The following MTCL2 variants were observed in gnomAD, a reference collection of about 807,000 sequenced individuals.
MTCL2 encodes microtubule crosslinking factor 2.
the MTCL2 span, among the ~76,000 whole-genome samples, chr20:36,822,725 G>A: frequency 1.4e-3 from 206 of 152,052 alleles, no homozygotes; most frequent in African/African-American, 4.9e-3. Context: ...TGAAAGCACA[G>A]ACTGTGCTTC....
At chr20:36,780,142 G>C in the MTCL2 span, 1 of 152,162 alleles carries the variant, frequency 6.6e-6, no homozygotes, top group Admixed American at 6.6e-5. Context: ...GTGACCTTGG[G>C]TGAGCCACTG....
the MTCL2 span, among the ~76,000 whole-genome samples, chr20:36,858,625 C>T: frequency 6.6e-6 from 1 of 152,120 alleles, no homozygotes; most frequent in Non-Finnish European, 1.5e-5. Context: ...TCTCCCAGTT[C>T]CTCCAAGAAT....
the MTCL2 span, among the ~76,000 whole-genome samples, chr20:36,843,878 C>T: frequency 6.6e-6 from 1 of 152,210 alleles, no homozygotes; most frequent in Non-Finnish European, 1.5e-5. Flanking sequence ...AGATCACACC[C>T]AGAGCACTAG....
chr20:36,810,717 C>CCTCTCTCTCTCCCTCTCTCTCT, the MTCL2 span, among the ~76,000 whole-genome samples: 2 of 94,270 alleles, frequency 2.1e-5, no homozygotes, highest in African/African-American at 8.1e-5. Flanking sequence ...TCTCTCTCTC[C>CCTCTCTCTCTCCCTCTCTCTCT]CTCTCTCTCT....
the MTCL2 span, among the ~76,000 whole-genome samples, chr20:36,841,486 C>T: frequency 6.6e-6 from 1 of 151,862 alleles, no homozygotes; most frequent in African/African-American, 2.4e-5. Flanking sequence ...TGAGCTGAGA[C>T]AAGAAGGAAC....
chr20:36,784,090 C>T, the MTCL2 span: 2 of 985,470 alleles, frequency 2.0e-6, no homozygotes, highest in African/African-American at 3.5e-5. Flanking sequence ...GGGCTCAGGT[C>T]CCACGGGGAT....
At chr20:36,825,546 G>A in the MTCL2 span, among the ~76,000 whole-genome samples, 2 of 152,202 alleles carry the variant, frequency 1.3e-5, no homozygotes, top group Non-Finnish European at 2.9e-5. Context: ...CAGTGCCACC[G>A]CAGCCCTCGG....
chr20:36,787,279 GT>G, the MTCL2 span, among the ~76,000 whole-genome samples: 1 of 151,938 alleles, frequency 6.6e-6, no homozygotes, highest in Non-Finnish European at 1.5e-5. Flanking sequence ...CCAGGCTGGA[GT>G]GCAGTGGTAC....
At chr20:36,856,179 A>C in the MTCL2 span, among the ~76,000 whole-genome samples, 1 of 152,106 alleles carries the variant, frequency 6.6e-6, no homozygotes. Context: ...CTTTCACTTA[A>C]TTGTACACAT....
At chr20:36,800,657 C>G in the MTCL2 span, among the ~76,000 whole-genome samples, 1 of 152,174 alleles carries the variant, frequency 6.6e-6, no homozygotes, top group Admixed American at 6.5e-5. Context: ...TGTTGAAGTA[C>G]TGAAGAGAAC....
the MTCL2 span, among the ~76,000 whole-genome samples, chr20:36,847,621 A>C: frequency 6.6e-6 from 1 of 152,130 alleles, no homozygotes; most frequent in African/African-American, 2.4e-5. Context: ...GCAGAGGCCA[A>C]AGAGGGAAGA....
the MTCL2 span, among the ~76,000 whole-genome samples, chr20:36,812,065 G>A: frequency 6.6e-6 from 1 of 152,124 alleles, no homozygotes; most frequent in Non-Finnish European, 1.5e-5. Context: ...TTACAGATGG[G>A]GAAGCTGTGG....
the MTCL2 span, among the ~76,000 whole-genome samples, chr20:36,840,171 T>G: frequency 1.3e-5 from 2 of 150,252 alleles, no homozygotes; most frequent in African/African-American, 2.4e-5. Context: ...CTGGTGTTTT[T>G]TTTTTTTTTT....
chr20:36,858,031 C>T, the MTCL2 span, among the ~76,000 whole-genome samples: 1 of 152,104 alleles, frequency 6.6e-6, no homozygotes. Context: ...ATGCCTTAGC[C>T]TAGAGCCTGG....
At chr20:36,779,304 T>G in the MTCL2 span, 1 of 152,580 alleles carries the variant, frequency 6.6e-6, no homozygotes, top group East Asian at 1.9e-4. Flanking sequence ...AGAGGATGGT[T>G]GGATACTGAA....
chr20:36,786,813 C>T, the MTCL2 span, among the ~76,000 whole-genome samples: 1 of 152,148 alleles, frequency 6.6e-6, no homozygotes, highest in Non-Finnish European at 1.5e-5. Flanking sequence ...CCCATTAGAG[C>T]GGTAATGGAA....
At chr20:36,807,931 A>G in the MTCL2 span, among the ~76,000 whole-genome samples, 1 of 124,384 alleles carries the variant, frequency 8.0e-6, no homozygotes, top group African/African-American at 3.1e-5. Flanking sequence ...TCTGGAGTGC[A>G]GTGGCACAAT....
chr20:36,786,128 T>C, the MTCL2 span: 6 of 997,090 alleles, frequency 6.0e-6, no homozygotes, highest in South Asian at 1.8e-4. Context: ...CAGACATGTA[T>C]CCTTCTTGGG....
chr20:36,834,849 A>C, the MTCL2 span, among the ~76,000 whole-genome samples: 1 of 151,982 alleles, frequency 6.6e-6, no homozygotes, highest in Non-Finnish European at 1.5e-5. Flanking sequence ...TAAAAATACG[A>C]AAATTAGCTG....
Sources: gnomAD v4.1 joint callset for allele counts (sites outside exome capture counted in the v4.1 genomes callset) on GRCh38, gnomAD v4.1.1 for gene constraint, MANE v1.5 for transcripts, NCBI Gene and HGNC (gene_info 2026-07-23, HGNC 2026-07-21) for gene names.